STX1A: variants seen among roughly 807,000 people sequenced by gnomAD.
STX1A encodes syntaxin 1A, also known as syntaxin-1A.
In STX1A, 4 loss-of-function variants were observed where a neutral mutation model predicts 37.8. The observed-to-expected ratio is 0.11, with a 90% CI of 0.05 to 0.24. STX1A has a LOEUF of 0.24. Among genes scored for constraint, STX1A ranks in the 10% least tolerant of loss-of-function variants. The probability of loss-of-function intolerance (pLI) is 1.00; values close to 1 mark genes in which losing one functional copy is unlikely to be tolerated. For synonymous variants in STX1A, 135 were observed against 147.4 expected (o/e 0.92, Z 0.61); for missense variants, 251 against 399.9 (o/e 0.63, Z 3.18).
Position 73,712,563 on chromosome 7 carries a change from C to A in STX1A, c.31-3441G>T, listed in dbSNP as rs143025699. Among the ~76,000 whole-genome samples, 405 of 152,208 alleles carry A rather than the reference C, an allele frequency of 2.7e-3. 2 individuals are homozygous for A. The highest frequency in any genetic ancestry group is 9.2e-3 in the African/African-American group (384 of 41,518). On this transcript the variant is annotated intron_variant, in intron 1 of 9. Transcript: ENST00000222812. ...CTGAAAACTCTCAGGCCCTAAGGGA[C>A]CTGAAAAGTCCCCCTGGCTTCAGCT...
chr7:73,702,589 G>A lies in STX1A; in HGVS notation c.678+256C>T. ...GGCCCCATGAGGAAACAGTAGTAGGGGAATGAGAGACGGCGGGGTATAGAG... is the reference window on the plus strand; with the variant it reads ...GGCCCCATGAGGAAACAGTAGTAGGAGAATGAGAGACGGCGGGGTATAGAG... On this transcript the variant is annotated intron_variant, in intron 8 of 9. Transcript: ENST00000222812. This position sits in a 1 kb window ranked among gnomAD's most constrained non-coding sequence, Gnocchi z 4.7. 2.7e-6 allele frequency: 3 copies of A among 1,125,858 alleles called. No individual in the cohort carries two copies. The East Asian group carries it at 7.9e-5, about 30-fold the overall frequency. 69.7% of individuals were successfully genotyped at this position (1,125,858 alleles called of 1,614,324 possible).
rs2116730258 is a variant in STX1A, at chr7:73,702,621, G to T, written c.678+224C>A. 7.3e-7 allele frequency: 1 copy of T among 1,363,006 alleles called. No individual in the cohort carries two copies. The highest frequency in any genetic ancestry group is 9.7e-7 in the Non-Finnish European group (1 of 1,032,056). The allele number at this position is 1,363,006 out of a possible 1,614,324, so 84.4% of individuals were successfully genotyped here. A position where few individuals can be genotyped will look rare whatever the true frequency, so the allele number is the denominator to read the frequency against. On this transcript the variant is annotated intron_variant, in intron 8 of 9. Transcript: ENST00000222812. This position sits in a 1 kb window ranked among gnomAD's most constrained non-coding sequence, Gnocchi z 4.7. Reference sequence around the variant, plus strand: ...GAGACGGCGGGGTATAGAGGGTGGGGCCATGCAGGGCCTGGGGTCCTTGAA... The same window carrying T: ...GAGACGGCGGGGTATAGAGGGTGGGTCCATGCAGGGCCTGGGGTCCTTGAA...
In STX1A at chr7:73,711,776, C is replaced by T. The variant is rs531648813; in HGVS notation, c.31-2654G>A. Among the ~76,000 whole-genome samples the T allele has an allele frequency of 2.0e-3, 301 of 152,198 alleles. 2 individuals are homozygous for T. The highest frequency in any genetic ancestry group is 6.5e-3 in the African/African-American group (272 of 41,536). On this transcript the variant is annotated intron_variant, in intron 1 of 9. Transcript: ENST00000222812. ...GACAAAGGGTGGATGGAGAATTATC[C>T]AGCTCCTTTTCCGTGGCCAGAGACG...
chr7:73,708,192 A>G (rs1798947938), intron 3 of STX1A, among the ~76,000 whole-genome samples: 2 of 146,914 alleles, frequency 1.4e-5, no homozygotes, highest in Non-Finnish European at 3.0e-5. Flanking sequence ...TGAACCCGGA[A>G]GGCAGAGGTG....
Position 73,708,571 on chromosome 7 carries a change from C to T in STX1A, c.208+18G>A, listed in dbSNP as rs782463866. 3.7e-6 allele frequency: 6 copies of T among 1,609,650 alleles called. No individual in the cohort carries two copies. The highest frequency in any genetic ancestry group is 5.1e-6 in the Non-Finnish European group (6 of 1,177,792). The stretch of plus-strand genomic sequence containing the variant: ...GGCTTGTGGGGCCTGAAACCCGTCC[C>T]CCGCCCCACACACTCACTCTCATCG... On this transcript the variant is annotated intron_variant, in intron 3 of 9. Coordinates refer to ENST00000222812, the MANE Select transcript of STX1A (RefSeq NM_004603.4).
chr7:73,705,223 C>T lies in STX1A; in HGVS notation c.210G>A (p.Lys70=), dbSNP rs1798827063. The T allele has an allele frequency of 6.2e-7, 1 of 1,613,934 alleles. No homozygotes were observed. Among genetic ancestry groups the T allele is most frequent in the Non-Finnish European group, 8.5e-7 (1 of 1,179,844 alleles). Residue 70 remains lysine (K), a splice_region_variant and synonymous_variant, in exon 4 of 10, where the codon AAG becomes AAA. Coordinates refer to ENST00000222812, the MANE Select transcript of STX1A (RefSeq NM_004603.4). This position sits in a 1 kb window ranked among gnomAD's most constrained non-coding sequence, Gnocchi z 5.2. The part of the protein sequence containing the change: ...AILASPNPDE[K]TKEELEELMS... ...TGAGTTCTTCCAGCTCCTCCTTCGTCTCTGGGGAGGTAGAAAGGGTGGGGG... is the reference window on the plus strand; with the variant it reads ...TGAGTTCTTCCAGCTCCTCCTTCGTTTCTGGGGAGGTAGAAAGGGTGGGGG...
chr7:73,704,683 C>T (rs1392531592), intron 4 of STX1A: 1 of 566,564 alleles, frequency 1.8e-6, no homozygotes, highest in Non-Finnish European at 3.2e-6. Context: ...GCTCCGGCCA[C>T]CCTATGCCTG....
chr7:73,702,801 G>A lies in STX1A; in HGVS notation c.678+44C>T. 6.2e-7 allele frequency: 1 copy of A among 1,613,594 alleles called. No individual in the cohort carries two copies. ...GGGCGAGGTTAGTGCAGCCCTGGGT[G>A]CTGGTGTGGGCTGGAGTGGAGGGCA... On this transcript the variant is annotated intron_variant, in intron 8 of 9. Coordinates refer to ENST00000222812, the MANE Select transcript of STX1A (RefSeq NM_004603.4). The surrounding 1 kb of genome is among the most constrained non-coding windows in gnomAD (Gnocchi z 4.7).
chr7:73,714,406 CT>C (rs1554618403), intron 1 of STX1A, among the ~76,000 whole-genome samples: 1 of 151,886 alleles, frequency 6.6e-6, no homozygotes, highest in African/African-American at 2.4e-5. Context: ...CCGCGCCCAG[CT>C]CTTTTTTTTT....
rs1799332209 is a variant in STX1A at position 73,717,572 on chromosome 7, C to T, written c.30+2030G>A. Reference sequence around the variant, plus strand: ...CAAGACTGACTGTCTCACCCCACCCCGGGTGGGCTCCTGCCTGCCAGCCGT... The same window carrying T: ...CAAGACTGACTGTCTCACCCCACCCTGGGTGGGCTCCTGCCTGCCAGCCGT... On this transcript the variant is annotated intron_variant, in intron 1 of 9. Transcript: ENST00000222812. This position sits in a 1 kb window ranked among gnomAD's most constrained non-coding sequence, Gnocchi z 4.1. Among the ~76,000 whole-genome samples the T allele has an allele frequency of 6.6e-6, 1 of 152,096 alleles. No homozygotes were observed. The highest frequency in any genetic ancestry group is 2.4e-5 in the African/African-American group (1 of 41,416).
chr7:73,704,467 AC>A, intron 4 of STX1A, 44 bp from the exon 5 acceptor site: 7 of 1,611,034 alleles, frequency 4.3e-6, no homozygotes, highest in Non-Finnish European at 5.1e-6. Context: ...GGCCCCTTCA[AC>A]CCCGTCCCCT....
In STX1A at chr7:73,702,575, G is replaced by C. The variant is rs1323037262; in HGVS notation, c.678+270C>G. Reference sequence around the variant, plus strand: ...GCGTGGCCCACAGTGGCCCCATGAGGAAACAGTAGTAGGGGAATGAGAGAC... The same window carrying C: ...GCGTGGCCCACAGTGGCCCCATGAGCAAACAGTAGTAGGGGAATGAGAGAC... On this transcript the variant is annotated intron_variant, in intron 8 of 9. Coordinates refer to ENST00000222812, the MANE Select transcript of STX1A (RefSeq NM_004603.4). The surrounding 1 kb of genome is among the most constrained non-coding windows in gnomAD (Gnocchi z 4.7). 1.2e-5 allele frequency: 12 copies of C among 1,015,286 alleles called. No individual in the cohort carries two copies. The highest frequency in any genetic ancestry group is 1.6e-5 in the African/African-American group (1 of 61,520). The allele number at this position is 1,015,286 out of a possible 1,614,324, so 62.9% of individuals were successfully genotyped here.
chr7:73,714,492 C>T (rs1219160892), intron 1 of STX1A, among the ~76,000 whole-genome samples: 1 of 152,066 alleles, frequency 6.6e-6, no homozygotes, highest in Non-Finnish European at 1.5e-5. Flanking sequence ...CCTTGATCTC[C>T]CAGGCTCAAG....
chr7:73,714,177 C>A (rs755364224), intron 1 of STX1A, among the ~76,000 whole-genome samples: 1 of 151,502 alleles, frequency 6.6e-6, no homozygotes, highest in Non-Finnish European at 1.5e-5. Flanking sequence ...GGCGCAATCT[C>A]GGCTCACCAC....
At position 73,704,247 on chromosome 7, in the gene STX1A, G is replaced by C. The variant is rs1798786193; in HGVS notation, c.367C>G (p.Leu123Val). Residue 123 changes from leucine to valine, a missense_variant, in exon 6 of 10, where the codon CTG (leucine) becomes GTG (valine). Around this residue, in one of 2 missense-constraint regions of STX1A, gnomAD observed 214 missense variants for 367.6 expected, o/e 0.58. Transcript: ENST00000222812. ...ATGACCTCCACAAACTTTCTGGACA[G>C]CGTGGAGTGCTGGGGGCCCGAGATG... ...LRIRKTQHST[L>V]SRKFVEVMSE... 6.2e-7 allele frequency: 1 copy of C among 1,613,986 alleles called. No individual in the cohort carries two copies. Among genetic ancestry groups the C allele is most frequent in the Non-Finnish European group, 8.5e-7 (1 of 1,180,032 alleles).
In STX1A at chr7:73,704,336, C is replaced by T. The variant is rs1798791565; in HGVS notation, c.357+14G>A. 1 of 1,614,060 alleles carries T rather than the reference C, an allele frequency of 6.2e-7. No homozygotes were observed. The highest frequency in any genetic ancestry group is 8.5e-7 in the Non-Finnish European group (1 of 1,180,034). ...GACTCAGGTGCCCGCCCATCCTAGA[C>T]TCCGTGGCCGCACCTGTGTCTTCCG... On this transcript the variant is annotated intron_variant, in intron 5 of 9. Coordinates refer to ENST00000222812, the MANE Select transcript of STX1A (RefSeq NM_004603.4).
At chr7:73,718,830 A>G (rs1466529776) in intron 1 of STX1A, among the ~76,000 whole-genome samples, 1 of 151,780 alleles carries the variant, frequency 6.6e-6, no homozygotes, top group Non-Finnish European at 1.5e-5. Context: ...CAGGAGCCAC[A>G]CCCCAGGGGT....
At chr7:73,707,185 GC>G (rs1554617130) in intron 3 of STX1A, among the ~76,000 whole-genome samples, 1 of 152,146 alleles carries the variant, frequency 6.6e-6, no homozygotes, top group Non-Finnish European at 1.5e-5. Context: ...CTCATGGTGA[GC>G]CCCCCTCCAG....
chr7:73,713,470 G>A (rs371737458), intron 1 of STX1A, among the ~76,000 whole-genome samples: 214 of 152,280 alleles, frequency 1.4e-3, no homozygotes, highest in Non-Finnish European at 2.1e-3. Context: ...GGCTCACGCC[G>A]GTAATCTCAG....
Sources: gnomAD v4.1 joint callset for allele counts (sites outside exome capture counted in the v4.1 genomes callset) on GRCh38, gnomAD v4.1.1 for gene constraint, gnomAD v4.1.1 regional missense constraint, Gnocchi (gnomAD v3.1) non-coding constraint, MANE v1.5 for transcripts, NCBI Gene and HGNC (gene_info 2026-07-23, HGNC 2026-07-21) for gene names.